APP: variants seen among roughly 807,000 people sequenced by gnomAD.
APP encodes the protein amyloid-beta precursor protein.
In APP, 31 loss-of-function variants were observed where a neutral mutation model predicts 101.4. That is an observed-to-expected ratio of 0.31 (90% CI 0.23 to 0.41). The LOEUF (loss-of-function observed/expected upper bound fraction) is 0.41. Among genes scored for constraint, APP ranks in the 10% least tolerant of loss-of-function variants. APP has a pLI of 1.00. For synonymous variants in APP, 366 were observed against 364.4 expected, an observed-to-expected ratio of 1.00 and a Z score of -0.05; for missense variants, 839 against 1,003.7, an observed-to-expected ratio of 0.84 and a Z score of 2.22.
chr21:26,152,641 C>A (rs1179576181), intron 1 of APP, among the ~76,000 whole-genome samples: 1 of 152,006 alleles, frequency 6.6e-6, no homozygotes, highest in Non-Finnish European at 1.5e-5. Context: ...GAATGTAATT[C>A]TTTCCCAATT....
intron 5 of APP, among the ~76,000 whole-genome samples, chr21:26,025,702 T>A (rs145469901): frequency 1.3e-5 from 2 of 152,214 alleles, no homozygotes; most frequent in Non-Finnish European, 2.9e-5. Context: ...CATCCCTGCA[T>A]CTGCCTGAGC....
At position 25,894,733 on chromosome 21, in the gene APP, G is replaced by A. The variant is rs535469044; in HGVS notation, c.2064+2840C>T. Among the ~76,000 whole-genome samples, 3 of 152,346 alleles carry A rather than the reference G, an allele frequency of 2.0e-5. No individual in the cohort carries two copies. The South Asian group carries it at 6.2e-4, about 32-fold the overall frequency. On this transcript the variant is annotated intron_variant, in intron 16 of 17. Coordinates refer to ENST00000346798, the MANE Select transcript of APP (RefSeq NM_000484.4). ...TCTTGGTGAAGATGCTATGAACACT[G>A]TTGAAATGACAACAAAGGATTTAGG...
chr21:25,927,346 G>GA (rs397725775), intron 13 of APP, among the ~76,000 whole-genome samples: 5 of 112 alleles, frequency 0.045, no homozygotes, highest in South Asian at 0.33. Flanking sequence ...ATGGCCAGAA[G>GA]TTTCACCAAC....
At chr21:25,950,018 TG>T (rs1293376995) in intron 13 of APP, among the ~76,000 whole-genome samples, 1 of 152,200 alleles carries the variant, frequency 6.6e-6, no homozygotes, top group African/African-American at 2.4e-5. Context: ...TGCCTTTGTG[TG>T]AAATGCAAGA....
At chr21:26,121,056 T>C in intron 1 of APP, among the ~76,000 whole-genome samples, 1 of 152,108 alleles carries the variant, frequency 6.6e-6, no homozygotes. Flanking sequence ...GAAATGGAAT[T>C]CTGGCATGTT....
intron 2 of APP, among the ~76,000 whole-genome samples, chr21:26,093,342 C>T (rs928444322): frequency 1.3e-5 from 2 of 152,158 alleles, no homozygotes; most frequent in Non-Finnish European, 2.9e-5. Context: ...CTGCATCTTT[C>T]TAAAGGGTTC....
intron 14 of APP, among the ~76,000 whole-genome samples, chr21:25,910,321 G>A (rs568466015): frequency 5.9e-5 from 9 of 151,958 alleles, no homozygotes; most frequent in Non-Finnish European, 1.0e-4. Context: ...TAGTACAGAC[G>A]GGGTTTCACC....
chr21:25,983,035 C>T (rs2042498378), intron 8 of APP, among the ~76,000 whole-genome samples: 3 of 152,122 alleles, frequency 2.0e-5, no homozygotes, highest in Admixed American at 2.0e-4. Flanking sequence ...CATCAATAAA[C>T]ACATTTTTGA....
Position 26,112,847 on chromosome 21 carries a change from C to T in APP, c.58-701G>A, listed in dbSNP as rs117873188. On this transcript the variant is annotated intron_variant, in intron 1 of 17. Transcript: ENST00000346798. The stretch of plus-strand genomic sequence containing the variant: ...CAACATTTTCTCATTTGGAGCTCTA[C>T]ATAGTGCCTGCTGGGTAGTAAGTAA... Among the ~76,000 whole-genome samples the T allele has an allele frequency of 6.4e-3, 972 of 152,292 alleles. 5 individuals are homozygous for T. The highest frequency in any genetic ancestry group is 0.01 in the Non-Finnish European group (706 of 68,026).
At chr21:25,912,030 C>T in intron 13 of APP, 68 bp from the exon 14 acceptor site, 1 of 1,246,604 alleles carries the variant, frequency 8.0e-7, no homozygotes, top group Non-Finnish European at 1.2e-6. Flanking sequence ...GCAGCAGCCA[C>T]CATTTACTTC....
At position 26,152,210 on chromosome 21, in the gene APP, G is replaced by A. The variant is rs754572267; in HGVS notation, c.57+18354C>T. On this transcript the variant is annotated intron_variant, in intron 1 of 17. Transcript: ENST00000346798. The stretch of plus-strand genomic sequence containing the variant: ...TGAGGCGGGAGAATGGCGTGAACCC[G>A]GGAGGCGGAGCTTGCAGTGAGCCGA... Among the ~76,000 whole-genome samples, 8 of 149,030 alleles carry A rather than the reference G, an allele frequency of 5.4e-5. No individual in the cohort carries two copies. The East Asian group carries it at 6.0e-4, about 11-fold the overall frequency.
At chr21:25,941,540 G>T (rs562249632) in intron 13 of APP, 1 of 152,320 alleles carries the variant, frequency 6.6e-6, no homozygotes, top group Non-Finnish European at 1.5e-5. Flanking sequence ...GCAGTGGCGT[G>T]ATCTCGGCTC....
At chr21:26,020,488 C>T (rs1200872606) in intron 6 of APP, among the ~76,000 whole-genome samples, 1 of 152,114 alleles carries the variant, frequency 6.6e-6, no homozygotes, top group Non-Finnish European at 1.5e-5. Flanking sequence ...ACTATAGTGA[C>T]AACTATGAAT....
upstream of APP, chr21:26,171,008 G>C (rs1398795705): frequency 5.7e-6 from 1 of 176,230 alleles, no homozygotes; most frequent in Non-Finnish European, 1.2e-5. Context: ...ACAGTGGGAG[G>C]GAGAGTCTGG....
At position 26,102,885 on chromosome 21, in the gene APP, G is replaced by A. The variant is rs1254599596; in HGVS notation, c.225+9094C>T. 5.8e-4 allele frequency among the ~76,000 whole-genome samples: 43 copies of A among 74,536 alleles called. 1 individual carries two copies. The Admixed American group carries it at 9.5e-3, about 17-fold the overall frequency. The allele number at this position is 74,536 out of a possible 152,430, so 48.9% of individuals were successfully genotyped here. A position where few individuals can be genotyped will look rare whatever the true frequency, so the allele number is the denominator to read the frequency against. On this transcript the variant is annotated intron_variant, in intron 2 of 17. Coordinates refer to ENST00000346798, the MANE Select transcript of APP (RefSeq NM_000484.4). Reference sequence around the variant, plus strand: ...AGCCTGGTTGATGGAGTGGGACTCTGTCTCAAAAAAAAAAAAAAAAAAAAA... The same window carrying A: ...AGCCTGGTTGATGGAGTGGGACTCTATCTCAAAAAAAAAAAAAAAAAAAAA...
chr21:26,095,370 C>T (rs1423243059), intron 2 of APP, among the ~76,000 whole-genome samples: 2 of 152,220 alleles, frequency 1.3e-5, no homozygotes, highest in Non-Finnish European at 2.9e-5. Context: ...CTTTGTCCAG[C>T]GTCTCCATGC....
At chr21:26,126,424 T>C (rs2062686068) in intron 1 of APP, among the ~76,000 whole-genome samples, 1 of 152,216 alleles carries the variant, frequency 6.6e-6, no homozygotes, top group Non-Finnish European at 1.5e-5. Flanking sequence ...TTGTTTTCTG[T>C]GTACGGCCAA....
chr21:26,131,918 T>TC (rs1216011488), intron 1 of APP, among the ~76,000 whole-genome samples: 1 of 151,994 alleles, frequency 6.6e-6, no homozygotes, highest in Non-Finnish European at 1.5e-5. Flanking sequence ...TTTTTTTTTT[T>TC]CACTCAGATC....
At chr21:26,011,096 A>G (rs759789489) in intron 6 of APP, among the ~76,000 whole-genome samples, 3 of 151,504 alleles carry the variant, frequency 2.0e-5, no homozygotes, top group African/African-American at 4.8e-5. Flanking sequence ...TATTTTTGAG[A>G]CGGCATCTCA....
Sources: allele counts gnomAD v4.1 joint callset (sites outside exome capture counted in the v4.1 genomes callset), GRCh38; gene constraint gnomAD v4.1.1; transcripts MANE v1.5; gene names NCBI Gene and HGNC (gene_info 2026-07-23, HGNC 2026-07-21).